The following SPRY3 variants were observed in gnomAD, a reference collection of about 807,000 sequenced individuals.
SPRY3 encodes sprouty RTK signaling antagonist 3.
SPRY3 carries 15 observed loss-of-function variants against 20.2 expected under a neutral mutation model. The observed-to-expected ratio is 0.74, with a 90% CI of 0.50 to 1.14. The LOEUF is 1.14. Ranked by LOEUF, SPRY3 falls within the 50% of genes most tolerant of loss-of-function variation. The probability of loss-of-function intolerance (pLI) is 0.00; values close to 1 mark genes in which losing one functional copy is unlikely to be tolerated. For synonymous variants in SPRY3, 143 were observed against 136.5 expected, an observed-to-expected ratio of 1.05 and a Z score of -0.33; for missense variants, 364 against 363.9, an observed-to-expected ratio of 1.00 and a Z score of 0.00.
chrX:155,640,781 C>T (rs1168186667), intron 1 of SPRY3, among the ~76,000 whole-genome samples: 1 of 111,795 alleles, frequency 8.9e-6, no homozygotes, highest in African/African-American at 3.2e-5. Context: ...ATATTGTATC[C>T]TGAAACTTTA....
intron 2 of SPRY3, among the ~76,000 whole-genome samples, chrX:155,734,607 C>T (rs1305058908): frequency 2.6e-5 from 4 of 151,386 alleles, no homozygotes; most frequent in South Asian, 2.1e-4. Flanking sequence ...GTTAGAAAAA[C>T]GGTATAGAGT....
intron 1 of SPRY3, among the ~76,000 whole-genome samples, chrX:155,649,283 T>C (rs1338202943): frequency 4.5e-5 from 5 of 111,646 alleles, no homozygotes; most frequent in Non-Finnish European, 9.4e-5. Flanking sequence ...GCCAGCATCA[T>C]CCTGATACCA....
chrX:155,724,216 C>T (rs1329141152), intron 2 of SPRY3, among the ~76,000 whole-genome samples: 1 of 152,202 alleles, frequency 6.6e-6, no homozygotes, highest in South Asian at 2.1e-4. Flanking sequence ...AATCAGGTAG[C>T]GTGATGCCTC....
intron 2 of SPRY3, among the ~76,000 whole-genome samples, chrX:155,719,048 C>T (rs952531387): frequency 6.6e-6 from 1 of 152,144 alleles, no homozygotes; most frequent in Non-Finnish European, 1.5e-5. Context: ...GAAAGAGGCA[C>T]TGAAGAGGTA....
intron 2 of SPRY3, among the ~76,000 whole-genome samples, chrX:155,750,358 T>C (rs2091256110): frequency 6.6e-6 from 1 of 151,864 alleles, no homozygotes. Context: ...GGATCAGTTG[T>C]ACCCCAAACC....
intron 2 of SPRY3, among the ~76,000 whole-genome samples, chrX:155,742,935 C>T (rs1435530799): frequency 1.3e-5 from 2 of 151,312 alleles, no homozygotes; most frequent in African/African-American, 2.4e-5. Flanking sequence ...ACTAAAAGAA[C>T]CCCAAAGCTA....
intron 3 of SPRY3, among the ~76,000 whole-genome samples, chrX:155,769,248 GAAGATATTTATT>G (rs1350597412): frequency 6.6e-6 from 1 of 152,132 alleles, no homozygotes; most frequent in Non-Finnish European, 1.5e-5. Context: ...ACTTAGATTT[GAAGATATTTATT>G]AAGAGTTGAG....
intron 2 of SPRY3, among the ~76,000 whole-genome samples, chrX:155,658,072 C>T (rs1478819848): frequency 1.8e-5 from 2 of 112,477 alleles, no homozygotes; most frequent in African/African-American, 6.5e-5. Context: ...GCAGAATCTA[C>T]TGTGCCGTTT....
intron 2 of SPRY3, among the ~76,000 whole-genome samples, chrX:155,737,907 G>T (rs2091179577): frequency 6.6e-6 from 1 of 152,066 alleles, no homozygotes; most frequent in Non-Finnish European, 1.5e-5. Context: ...GGGAATATAA[G>T]AGTGTATTTA....
intron 2 of SPRY3, among the ~76,000 whole-genome samples, chrX:155,766,162 C>T (rs1340729926): frequency 6.6e-6 from 1 of 152,168 alleles, no homozygotes; most frequent in Non-Finnish European, 1.5e-5. Context: ...TGCACACACA[C>T]ATATACCTAC....
intron 2 of SPRY3, among the ~76,000 whole-genome samples, chrX:155,721,719 C>T (rs1430487031): frequency 1.3e-5 from 2 of 151,800 alleles, no homozygotes; most frequent in Non-Finnish European, 2.9e-5. Context: ...AATTATCCTT[C>T]GAACATGAAG....
chrX:155,729,307 TG>T, intron 2 of SPRY3, among the ~76,000 whole-genome samples: 1 of 152,280 alleles, frequency 6.6e-6, no homozygotes, highest in African/African-American at 2.4e-5. Flanking sequence ...GATTATATTT[TG>T]GGGTAACAAA....
Position 155,624,461 on chromosome X carries a change from A to T in SPRY3, c.-441+11814A>T, listed in dbSNP as rs782668692. On this transcript the variant is annotated intron_variant, in intron 1 of 3. Coordinates refer to ENST00000675360, the Ensembl canonical transcript of SPRY3. ...TACCACTTTCTTACAGAAATACATT[A>T]TTTACCTATCTGTATCTATATAATC... Among the ~76,000 whole-genome samples, 5 of 111,875 alleles carry T rather than the reference A, an allele frequency of 4.5e-5. No homozygotes were observed. The East Asian group carries it at 1.4e-3, about 31-fold the overall frequency.
intron 2 of SPRY3, among the ~76,000 whole-genome samples, chrX:155,761,001 A>AT (rs1252452300): frequency 1.3e-5 from 2 of 151,836 alleles, no homozygotes; most frequent in Non-Finnish European, 1.5e-5. Context: ...TTCTTCATTT[A>AT]TTTTTTCCCA....
chrX:155,758,272 A>G (rs959918459), intron 2 of SPRY3, among the ~76,000 whole-genome samples: 3 of 152,170 alleles, frequency 2.0e-5, no homozygotes, highest in Non-Finnish European at 4.4e-5. Context: ...TTTATATTCA[A>G]ACTTACTGTG....
At chrX:155,677,856 G>T (rs950840712) in intron 2 of SPRY3, among the ~76,000 whole-genome samples, 5 of 111,466 alleles carry the variant, frequency 4.5e-5, no homozygotes, top group African/African-American at 1.3e-4. Context: ...AGAGCAGAAA[G>T]ATTATCTATT....
chrX:155,746,783 G>T lies in SPRY3; in HGVS notation c.-281-21179G>T, dbSNP rs1427889937. 5.3e-5 allele frequency among the ~76,000 whole-genome samples: 8 copies of T among 152,028 alleles called. No homozygotes were observed. In the East Asian group the frequency reaches 1.4e-3, roughly 26 times the overall value. ...CAATAAATGAACTCCTGCATAATCT[G>T]CAACTAGTCTAGACTACAAGCAGTA... On this transcript the variant is annotated intron_variant, in intron 2 of 3. Transcript: ENST00000675360.
chrX:155,766,225 G>A (rs1476863904), intron 2 of SPRY3, among the ~76,000 whole-genome samples: 2 of 152,072 alleles, frequency 1.3e-5, no homozygotes, highest in Non-Finnish European at 2.9e-5. Flanking sequence ...ATACACACAG[G>A]AGCATGCAGA....
chrX:155,738,040 C>G (rs73249625), intron 2 of SPRY3, among the ~76,000 whole-genome samples: 2,741 of 152,064 alleles, frequency 0.018, 1 homozygote, highest in Non-Finnish European at 0.025. Flanking sequence ...GTATAAAAAT[C>G]CATGCAAAAT....
Sources: allele counts gnomAD v4.1 joint callset (sites outside exome capture counted in the v4.1 genomes callset), GRCh38; gene constraint gnomAD v4.1.1; transcripts MANE v1.5; gene names NCBI Gene and HGNC (gene_info 2026-07-23, HGNC 2026-07-21).